COLEC10: variants seen among roughly 807,000 people sequenced by gnomAD.
COLEC10 encodes collectin-10.
In COLEC10, 22 loss-of-function variants were observed where a neutral mutation model predicts 28.4. The observed-to-expected ratio is 0.78, with a 90% confidence interval of 0.55 to 1.11. The LOEUF (loss-of-function observed/expected upper bound fraction) is 1.11. Among genes scored for constraint, COLEC10 ranks in the 50% least tolerant of loss-of-function variants. COLEC10 has a pLI of 0.00. For synonymous variants in COLEC10, 125 were observed against 116.1 expected, an observed-to-expected ratio of 1.08 and a Z score of -0.49; for missense variants, 361 against 344.1, an observed-to-expected ratio of 1.05 and a Z score of -0.39.
chr8:119,058,436 C>T (rs866400053), intron 2 of COLEC10, among the ~76,000 whole-genome samples: 1 of 152,012 alleles, frequency 6.6e-6, no homozygotes, highest in Non-Finnish European at 1.5e-5. Context: ...CCACTCTCAG[C>T]CCCAGGCAAC....
chr8:119,068,009 A>G (rs1440276834), intron 1 of COLEC10: 2 of 152,136 alleles, frequency 1.3e-5, no homozygotes. Context: ...CTGCTCAAGG[A>G]TGGTAGAATA....
At chr8:119,054,578 A>G (rs1478159560) in intron 2 of COLEC10, among the ~76,000 whole-genome samples, 1 of 152,142 alleles carries the variant, frequency 6.6e-6, no homozygotes, top group Non-Finnish European at 1.5e-5. Flanking sequence ...GTACAATACT[A>G]AAACATAAAC....
upstream of COLEC10, among the ~76,000 whole-genome samples, chr8:119,064,128 A>G (rs886150811): frequency 6.6e-6 from 1 of 152,142 alleles, no homozygotes; most frequent in Non-Finnish European, 1.5e-5. Context: ...TTGCACACTA[A>G]AGACAATATA....
At chr8:119,020,454 C>T (rs578116158) in intron 2 of COLEC10, among the ~76,000 whole-genome samples, 5 of 152,172 alleles carry the variant, frequency 3.3e-5, no homozygotes, top group South Asian at 2.1e-4. Context: ...AGGTTTGTTT[C>T]GTAACTGTGG....
the COLEC10 span, among the ~76,000 whole-genome samples, chr8:118,958,404 C>T: frequency 1.3e-5 from 2 of 152,220 alleles, no homozygotes; most frequent in Non-Finnish European, 2.9e-5. Flanking sequence ...TTAAGTCACA[C>T]TTGCATTTAT....
chr8:119,084,978 C>T (rs1815443564), intron 1 of COLEC10, among the ~76,000 whole-genome samples: 1 of 152,168 alleles, frequency 6.6e-6, no homozygotes, highest in South Asian at 2.1e-4. Flanking sequence ...AAAGCAGACA[C>T]TGATGAGTTT....
chr8:119,097,221 G>A (rs1338911913), intron 3 of COLEC10, among the ~76,000 whole-genome samples: 1 of 151,910 alleles, frequency 6.6e-6, no homozygotes, highest in African/African-American at 2.4e-5. Context: ...AAGTCATCAA[G>A]CTGAATCTTT....
At chr8:119,069,207 A>C (rs1815037070) in intron 1 of COLEC10, among the ~76,000 whole-genome samples, 1 of 151,960 alleles carries the variant, frequency 6.6e-6, no homozygotes, top group Non-Finnish European at 1.5e-5. Context: ...AATGCACCTA[A>C]AGCAACATGA....
chr8:119,051,647 G>A (rs372084810), intron 2 of COLEC10, among the ~76,000 whole-genome samples: 3 of 152,040 alleles, frequency 2.0e-5, no homozygotes, highest in African/African-American at 7.2e-5. Context: ...ACTTAACCAC[G>A]GCATGAGGAA....
upstream of COLEC10, among the ~76,000 whole-genome samples, chr8:119,065,391 G>T (rs922758815): frequency 6.6e-6 from 1 of 152,070 alleles, no homozygotes; most frequent in Non-Finnish European, 1.5e-5. Flanking sequence ...TGATATTTAG[G>T]AGAATCTAAT....
At chr8:118,982,611 G>T in the COLEC10 span, 1 of 196,214 alleles carries the variant, frequency 5.1e-6, no homozygotes, top group South Asian at 1.2e-4. Flanking sequence ...CCCATAGTTA[G>T]GCTGGACTAT....
intron 2 of COLEC10, among the ~76,000 whole-genome samples, chr8:119,045,277 T>C (rs976471338): frequency 6.6e-6 from 1 of 152,230 alleles, no homozygotes; most frequent in Non-Finnish European, 1.5e-5. Context: ...ATGTCACTTA[T>C]ATGTCTCATG....
intron 1 of COLEC10, among the ~76,000 whole-genome samples, chr8:119,084,316 A>G (rs552717465): frequency 6.6e-6 from 1 of 152,244 alleles, no homozygotes; most frequent in African/African-American, 2.4e-5. Flanking sequence ...CAAGGTCAGG[A>G]CCCTCCCCTG....
chr8:118,974,296 C>G, the COLEC10 span, among the ~76,000 whole-genome samples: 1 of 151,760 alleles, frequency 6.6e-6, no homozygotes, highest in Non-Finnish European at 1.5e-5. Context: ...ACATGAAGAC[C>G]TATTTGTTAA....
chr8:119,022,067 A>G (rs550275569), intron 2 of COLEC10, among the ~76,000 whole-genome samples: 2 of 152,260 alleles, frequency 1.3e-5, no homozygotes, highest in South Asian at 2.1e-4. Context: ...TCAAATGCCA[A>G]GATTCCTCTA....
chr8:119,052,880 A>T (rs1010911467), intron 2 of COLEC10, among the ~76,000 whole-genome samples: 9 of 152,164 alleles, frequency 5.9e-5, no homozygotes, highest in Non-Finnish European at 1.0e-4. Context: ...AAATAAAACA[A>T]CAAAAAGATT....
chr8:118,953,464 T>A, the COLEC10 span, among the ~76,000 whole-genome samples: 2 of 152,322 alleles, frequency 1.3e-5, no homozygotes, highest in South Asian at 4.1e-4. Flanking sequence ...TATTTGAAGG[T>A]GTTTTTCTCA....
chr8:119,013,242 G>A (rs528801526), intron 2 of COLEC10, among the ~76,000 whole-genome samples: 13 of 150,390 alleles, frequency 8.6e-5, no homozygotes, highest in East Asian at 1.9e-4. Context: ...TTAGAAGTGC[G>A]TTGTTTAGTC....
At chr8:119,078,859 C>A (rs753488947) in intron 1 of COLEC10, among the ~76,000 whole-genome samples, 3 of 150,996 alleles carry the variant, frequency 2.0e-5, no homozygotes, top group Non-Finnish European at 4.4e-5. Flanking sequence ...AACAATACTA[C>A]ACTTTCTCCT....
Sources: allele counts gnomAD v4.1 joint callset (sites outside exome capture counted in the v4.1 genomes callset), GRCh38; gene constraint gnomAD v4.1.1; transcripts MANE v1.5; gene names NCBI Gene and HGNC (gene_info 2026-07-23, HGNC 2026-07-21).